The following PRDM10 variants were observed in gnomAD, a reference collection of about 807,000 sequenced individuals.
PRDM10 encodes the protein PR/SET domain 10, also known as PR domain zinc finger protein 10.
In PRDM10, 65 loss-of-function variants were observed where a neutral mutation model predicts 133.1. That is an observed-to-expected ratio of 0.49 (90% CI 0.40 to 0.60). PRDM10 has a LOEUF of 0.60. Ranked by LOEUF, PRDM10 falls within the 20% of genes least tolerant of loss-of-function variation. The pLI is 0.00. For synonymous variants in PRDM10, 582 were observed against 580.4 expected, an observed-to-expected ratio of 1.00 and a Z score of -0.04; for missense variants, 1,137 against 1,507.1, an observed-to-expected ratio of 0.75 and a Z score of 4.07.
chr11:129,934,689 TC>T (rs1950972354), intron 9 of PRDM10, among the ~76,000 whole-genome samples: 1 of 152,224 alleles, frequency 6.6e-6, no homozygotes, highest in African/African-American at 2.4e-5. Flanking sequence ...GCCCACTTCA[TC>T]CCATATGATT....
At chr11:129,919,071 A>G (rs1237293630) in intron 13 of PRDM10, among the ~76,000 whole-genome samples, 1 of 152,188 alleles carries the variant, frequency 6.6e-6, no homozygotes, top group Non-Finnish European at 1.5e-5. Flanking sequence ...GTAATATTAG[A>G]TTTTAGAAGC....
chr11:129,973,881 T>A (rs1232436647), intron 1 of PRDM10, among the ~76,000 whole-genome samples: 3 of 152,244 alleles, frequency 2.0e-5, no homozygotes, highest in African/African-American at 7.2e-5. Flanking sequence ...ATTTTGGAGC[T>A]AGGTAGGACA....
intron 7 of PRDM10, among the ~76,000 whole-genome samples, chr11:129,939,618 TC>T (rs1368568944): frequency 6.6e-6 from 1 of 152,222 alleles, no homozygotes; most frequent in African/African-American, 2.4e-5. Flanking sequence ...TGTACTGTTC[TC>T]ACCTCATTCA....
intron 3 of PRDM10, among the ~76,000 whole-genome samples, chr11:129,955,773 T>C (rs755991052): frequency 8.5e-5 from 13 of 152,356 alleles, no homozygotes; most frequent in Non-Finnish European, 1.8e-4. Context: ...TCCAAAGAGA[T>C]TGTATAAGCT....
intron 1 of PRDM10, among the ~76,000 whole-genome samples, chr11:130,002,098 C>G (rs917186564): frequency 2.0e-5 from 3 of 151,056 alleles, no homozygotes; most frequent in African/African-American, 7.3e-5. Flanking sequence ...CGCCCGCAAC[C>G]GGCCAGCCCC....
At chr11:129,934,995 C>T (rs1232191414) in intron 9 of PRDM10, 106 bp downstream of exon 9, 1 of 895,958 alleles carries the variant, frequency 1.1e-6, no homozygotes, top group African/African-American at 1.6e-5. Flanking sequence ...ACCTGGTTAC[C>T]TATCTATACA....
chr11:129,983,326 G>A (rs548975145), intron 1 of PRDM10, among the ~76,000 whole-genome samples: 13 of 117,776 alleles, frequency 1.1e-4, no homozygotes, highest in East Asian at 2.6e-4. Flanking sequence ...ACGGAGTCTC[G>A]CTCTGTCACC....
Position 129,901,125 on chromosome 11 carries a change from ACTGGAT to A in PRDM10, c.*1182_*1187del, listed in dbSNP as rs1358605330. On this transcript the variant is annotated 3_prime_UTR_variant, in exon 21 of 21. Coordinates refer to ENST00000360871, the MANE Select transcript of PRDM10 (RefSeq NM_199437.2). ...CCCAACTAATAGTATATTCATAAAG[ACTGGAT>A]TTCTTCCAGATCCCTTATAACTACC... The A allele has an allele frequency of 5.2e-5, 8 of 152,620 alleles. No individual in the cohort carries two copies. Among genetic ancestry groups the A allele is most frequent in the African/African-American group, 1.7e-4 (7 of 41,446 alleles). The allele number at this position is 152,620 out of a possible 1,614,324, so 9.5% of individuals were successfully genotyped here.
intron 7 of PRDM10, among the ~76,000 whole-genome samples, chr11:129,941,592 G>T (rs1951208075): frequency 6.6e-6 from 1 of 152,194 alleles, no homozygotes; most frequent in Non-Finnish European, 1.5e-5. Flanking sequence ...ACAAGTTTTT[G>T]ACATGACGAT....
chr11:129,914,647 A>T, intron 17 of PRDM10, 57 bp downstream of exon 17: 1 of 1,594,298 alleles, frequency 6.3e-7, no homozygotes, highest in Non-Finnish European at 8.6e-7. Flanking sequence ...TCTGAGAATG[A>T]GGTGCTAGTG....
intron 6 of PRDM10, 92 bp downstream of exon 6, chr11:129,944,679 A>G (rs1488236688): frequency 1.3e-6 from 2 of 1,504,506 alleles, no homozygotes; most frequent in Non-Finnish European, 9.0e-7. Context: ...AACAACTGCT[A>G]AGAAACAGGA....
chr11:129,961,036 A>G lies in PRDM10; in HGVS notation c.-72T>C. ...CAGGGTACAGGACAGTCATCTGTCT[A>G]CCACACGTGTGTTCATGAAGGACGG... On this transcript the variant is annotated 5_prime_UTR_variant, in exon 2 of 21. Transcript: ENST00000360871. The G allele has an allele frequency of 7.1e-7, 1 of 1,412,382 alleles. No homozygotes were observed. The highest frequency in any genetic ancestry group is 1.0e-6 in the Non-Finnish European group (1 of 1,003,054). 87.5% of individuals were successfully genotyped at this position (1,412,382 alleles called of 1,614,324 possible). A position where few individuals can be genotyped will look rare whatever the true frequency, so the allele number is the denominator to read the frequency against.
In PRDM10 at chr11:129,924,922, G is replaced by A. The variant is rs1349525938; in HGVS notation, c.1838C>T (p.Thr613Ile). ...VAIHINDGYF[T>I]CPTCKKRFPD... ...GAACCGTTTCTTACAAGTTGGGCAG[G>A]TGAAGTAGCCATCATTGATATGAAT... Residue 613 changes from threonine to isoleucine, a missense_variant, in exon 12 of 21, where the codon ACC (threonine) becomes ATC (isoleucine). Thr to Ile is a moderately conservative substitution (Grantham distance 89, BLOSUM62 -1). This residue lies in a region of PRDM10 where 635 missense variants were observed against 835.2 expected (regional missense o/e 0.76). Coordinates refer to ENST00000360871, the MANE Select transcript of PRDM10 (RefSeq NM_199437.2). 6.2e-6 allele frequency: 10 copies of A among 1,613,280 alleles called. No homozygotes were observed. Among genetic ancestry groups the A allele is most frequent in the Admixed American group, 1.7e-5 (1 of 59,926 alleles).
chr11:129,944,478 G>A (rs368910658), intron 6 of PRDM10, among the ~76,000 whole-genome samples: 3 of 151,278 alleles, frequency 2.0e-5, no homozygotes, highest in South Asian at 2.1e-4. Context: ...CCAGCTACTC[G>A]GGAGGCTGAG....
intron 1 of PRDM10, among the ~76,000 whole-genome samples, chr11:129,976,466 T>C (rs1185760106): frequency 6.6e-6 from 1 of 152,188 alleles, no homozygotes. Flanking sequence ...CAGCTAACAT[T>C]CATCAGTTCA....
chr11:129,919,478 C>G (rs1464713947), intron 13 of PRDM10, among the ~76,000 whole-genome samples: 1 of 152,210 alleles, frequency 6.6e-6, no homozygotes, highest in Non-Finnish European at 1.5e-5. Flanking sequence ...TTTAGAACTT[C>G]TCACCTTACA....
chr11:129,957,405 G>A (rs1211355429), intron 3 of PRDM10, among the ~76,000 whole-genome samples: 4 of 151,962 alleles, frequency 2.6e-5, no homozygotes, highest in Non-Finnish European at 4.4e-5. Flanking sequence ...TGCAACCTCC[G>A]CCTCCCAGGT....
At chr11:129,938,779 C>T (rs1428192871) in intron 7 of PRDM10, among the ~76,000 whole-genome samples, 1 of 152,230 alleles carries the variant, frequency 6.6e-6, no homozygotes, top group Admixed American at 6.5e-5. Flanking sequence ...CTTCTCGTCT[C>T]ATAGTAAACC....
chr11:129,961,304 G>A (rs1161924673), intron 1 of PRDM10, among the ~76,000 whole-genome samples: 2 of 151,638 alleles, frequency 1.3e-5, no homozygotes, highest in Non-Finnish European at 2.9e-5. Context: ...GGGGGGTGAG[G>A]GGAGTTGTTT....
Sources: allele counts gnomAD v4.1 joint callset (sites outside exome capture counted in the v4.1 genomes callset), GRCh38; gene constraint gnomAD v4.1.1; regional missense constraint gnomAD v4.1.1; transcripts MANE v1.5; gene names NCBI Gene and HGNC (gene_info 2026-07-23, HGNC 2026-07-21).